Variants in PDE4D observed in about 807,000 individuals in gnomAD.
PDE4D encodes the protein 3',5'-cyclic-AMP phosphodiesterase 4D.
In PDE4D, 24 loss-of-function variants were observed where a neutral mutation model predicts 87.4. That is an observed-to-expected ratio of 0.27 (90% CI 0.20 to 0.39). PDE4D has a LOEUF of 0.39. Among genes scored for constraint, PDE4D ranks in the 10% least tolerant of loss-of-function variants. The pLI, the probability that PDE4D is intolerant of heterozygous loss-of-function variation, is 1.00. For synonymous variants in PDE4D, 384 were observed against 383.2 expected (o/e 1.00, Z -0.02); for missense variants, 714 against 1,041.0 (o/e 0.69, Z 4.32).
At chr5:59,368,369 A>T (rs778613358) in intron 1 of PDE4D, among the ~76,000 whole-genome samples, 17 of 152,202 alleles carry the variant, frequency 1.1e-4, no homozygotes, top group Non-Finnish European at 2.2e-4. Flanking sequence ...TTGTCCATTC[A>T]TCTTAAAAAT....
chr5:60,521,075 T>C (rs1421979843), intron 1 of PDE4D: 1 of 152,356 alleles, frequency 6.6e-6, no homozygotes, highest in Non-Finnish European at 1.5e-5. Context: ...TCACAACCGA[T>C]TCCCCCACCC....
At chr5:59,023,019 C>CA (rs1432457676) in intron 6 of PDE4D, among the ~76,000 whole-genome samples, 3 of 151,188 alleles carry the variant, frequency 2.0e-5, no homozygotes, top group East Asian at 2.0e-4. Flanking sequence ...ACTAAAAATA[C>CA]AAAAAATTAG....
chr5:59,132,335 G>A (rs538556812), intron 5 of PDE4D, among the ~76,000 whole-genome samples: 36 of 152,220 alleles, frequency 2.4e-4, no homozygotes, highest in African/African-American at 6.7e-4. Flanking sequence ...TCGCTAGTGG[G>A]TGGGAGACTG....
chr5:59,943,088 T>G (rs1757351439), intron 3 of PDE4D, among the ~76,000 whole-genome samples: 1 of 152,140 alleles, frequency 6.6e-6, no homozygotes, highest in Non-Finnish European at 1.5e-5. Context: ...TTGTTTGTTT[T>G]TAATGCAGAA....
chr5:59,943,769 G>T (rs973582839), intron 3 of PDE4D, among the ~76,000 whole-genome samples: 1 of 152,068 alleles, frequency 6.6e-6, no homozygotes, highest in Non-Finnish European at 1.5e-5. Context: ...TGTTCCAATT[G>T]TTCCCTGCCC....
intron 5 of PDE4D, among the ~76,000 whole-genome samples, chr5:59,121,086 A>T (rs1325676333): frequency 1.3e-5 from 2 of 152,186 alleles, no homozygotes; most frequent in Non-Finnish European, 2.9e-5. Flanking sequence ...AGACTTAAAC[A>T]TAAAACTGCT....
chr5:60,296,314 C>T (rs949464667), intron 1 of PDE4D, among the ~76,000 whole-genome samples: 6 of 152,180 alleles, frequency 3.9e-5, no homozygotes, highest in African/African-American at 1.4e-4. Context: ...CTAGGCTTTC[C>T]ATAGATGTCA....
intron 1 of PDE4D, among the ~76,000 whole-genome samples, chr5:59,359,030 C>T (rs147842748): frequency 4.6e-4 from 70 of 152,256 alleles, no homozygotes; most frequent in Middle Eastern, 3.4e-3. Flanking sequence ...TAATTAACTG[C>T]CTTTGCTTAC....
intron 1 of PDE4D, among the ~76,000 whole-genome samples, chr5:59,451,887 T>A (rs1799213676): frequency 6.6e-6 from 1 of 152,206 alleles, no homozygotes; most frequent in Non-Finnish European, 1.5e-5. Context: ...TTGACCTTCT[T>A]TCTCTTGTAT....
At chr5:58,981,016 T>C (rs1007050231) in intron 11 of PDE4D, among the ~76,000 whole-genome samples, 1 of 152,120 alleles carries the variant, frequency 6.6e-6, no homozygotes, top group African/African-American at 2.4e-5. Context: ...CCCAATGTTT[T>C]GTTCTTCTCT....
chr5:60,419,985 T>A (rs1407248592), intron 1 of PDE4D, among the ~76,000 whole-genome samples: 1 of 152,176 alleles, frequency 6.6e-6, no homozygotes, highest in Non-Finnish European at 1.5e-5. Flanking sequence ...TCAGAAGTTT[T>A]GCAGAGATTT....
chr5:59,622,492 A>C (rs907526224), intron 1 of PDE4D, among the ~76,000 whole-genome samples: 3 of 152,114 alleles, frequency 2.0e-5, no homozygotes, highest in Non-Finnish European at 4.4e-5. Context: ...CAAGTCTATG[A>C]TCTTGACTAC....
intron 1 of PDE4D, among the ~76,000 whole-genome samples, chr5:59,659,286 CAGA>C (rs1744865126): frequency 6.6e-6 from 1 of 152,092 alleles, no homozygotes; most frequent in African/African-American, 2.4e-5. Flanking sequence ...TTCCAAAGAC[CAGA>C]AGAATTTTGA....
intron 1 of PDE4D, among the ~76,000 whole-genome samples, chr5:60,282,057 A>G (rs1261403783): frequency 6.6e-6 from 1 of 152,000 alleles, no homozygotes; most frequent in African/African-American, 2.4e-5. Context: ...ACTCTATTTC[A>G]ATAGAAATAA....
At chr5:60,371,242 G>C (rs1761005300) in intron 1 of PDE4D, among the ~76,000 whole-genome samples, 3 of 152,174 alleles carry the variant, frequency 2.0e-5, no homozygotes, top group Admixed American at 2.0e-4. Flanking sequence ...AACAGGATTA[G>C]ATATAGCCAT....
chr5:59,464,701 C>T (rs557806393), intron 1 of PDE4D, among the ~76,000 whole-genome samples: 1 of 152,146 alleles, frequency 6.6e-6, no homozygotes, highest in Non-Finnish European at 1.5e-5. Context: ...CCAAGTCTCT[C>T]GTTCCACCTA....
chr5:59,193,299 A>G (rs1000690074), intron 3 of PDE4D, among the ~76,000 whole-genome samples: 2 of 152,222 alleles, frequency 1.3e-5, no homozygotes, highest in African/African-American at 4.8e-5. Context: ...ACTCTTTGGT[A>G]CTATGGGTTT....
intron 1 of PDE4D, among the ~76,000 whole-genome samples, chr5:59,407,887 A>C (rs258118): frequency 0.3 from 45,096 of 152,094 alleles, 6,796 homozygotes; most frequent in East Asian, 0.4. Context: ...CAGATGCAGA[A>C]GCAAAGAAAT....
At chr5:59,136,624 A>T (rs910312696) in intron 5 of PDE4D, among the ~76,000 whole-genome samples, 2 of 152,224 alleles carry the variant, frequency 1.3e-5, no homozygotes, top group East Asian at 3.9e-4. Flanking sequence ...ATTAAATTAC[A>T]AAGAGCTTGG....
Sources: gnomAD v4.1 joint callset for allele counts (sites outside exome capture counted in the v4.1 genomes callset) on GRCh38, gnomAD v4.1.1 for gene constraint, MANE v1.5 for transcripts, NCBI Gene and HGNC (gene_info 2026-07-23, HGNC 2026-07-21) for gene names.